Variants in CMIP observed in about 807,000 individuals in gnomAD.
CMIP encodes the protein c-Maf inducing protein, also known as C-Maf-inducing protein.
CMIP carries 13 observed loss-of-function variants against 97.3 expected under a neutral mutation model. The observed-to-expected ratio is 0.13, with a 90% CI of 0.09 to 0.21. CMIP has a LOEUF of 0.21. CMIP is among the 10% of genes least tolerant of loss of function. The pLI is 1.00. For synonymous variants in CMIP, 538 were observed against 436.3 expected (o/e 1.23, Z -2.91); for missense variants, 847 against 1,024.9 (o/e 0.83, Z 2.37).
chr16:81,576,607 G>A (rs2091193642), intron 1 of CMIP, among the ~76,000 whole-genome samples: 1 of 152,128 alleles, frequency 6.6e-6, no homozygotes, highest in Non-Finnish European at 1.5e-5. Flanking sequence ...GCCAATGAGA[G>A]GCAGAGCCAG....
At chr16:81,681,603 G>A (rs1376545141) in intron 10 of CMIP, among the ~76,000 whole-genome samples, 2 of 152,240 alleles carry the variant, frequency 1.3e-5, no homozygotes, top group East Asian at 3.9e-4. Context: ...CGTTTATGAT[G>A]CAGCCATGTT....
chr16:81,521,254 C>T (rs1198130338), intron 1 of CMIP, among the ~76,000 whole-genome samples: 1 of 152,168 alleles, frequency 6.6e-6, no homozygotes, highest in Non-Finnish European at 1.5e-5. Context: ...TGCATCATTG[C>T]TTGCTGAGCG....
chr16:81,653,453 G>A (rs1240954505), intron 4 of CMIP, among the ~76,000 whole-genome samples: 1 of 152,280 alleles, frequency 6.6e-6, no homozygotes, highest in Non-Finnish European at 1.5e-5. Flanking sequence ...GTCTCAGGCA[G>A]AGGGACAGAG....
intron 1 of CMIP, among the ~76,000 whole-genome samples, chr16:81,563,571 A>C (rs61293946): frequency 0.028 from 4,287 of 152,264 alleles, 214 homozygotes; most frequent in African/African-American, 0.098. Context: ...CAGGCGATAC[A>C]TGTGCACATT....
At chr16:81,469,661 C>A (rs896379045) in intron 1 of CMIP, among the ~76,000 whole-genome samples, 1 of 152,206 alleles carries the variant, frequency 6.6e-6, no homozygotes, top group Non-Finnish European at 1.5e-5. Context: ...TTTGCCTGAA[C>A]TGTGGATTCA....
chr16:81,637,653 A>G (rs771392309), intron 3 of CMIP, among the ~76,000 whole-genome samples: 1 of 152,124 alleles, frequency 6.6e-6, no homozygotes, highest in Admixed American at 6.6e-5. Context: ...TGCGAGCAAA[A>G]ACATGGCTTG....
chr16:81,645,547 T>A, intron 3 of CMIP: 1 of 1,535,912 alleles, frequency 6.5e-7, no homozygotes, highest in Non-Finnish European at 8.7e-7. Flanking sequence ...AACCCTGGCA[T>A]ATGTGCTTGC....
In CMIP at chr16:81,686,440, A is replaced by G. The variant is rs1905397782; in HGVS notation, c.1389-5335A>G. On this transcript the variant is annotated intron_variant, in intron 10 of 20. Transcript: ENST00000537098. ...ACTGCAGTCCAGAGGACCTGCTGTC[A>G]GTCCTCATCTGCCTCCCAGGCGTGG... Among the ~76,000 whole-genome samples, 3 of 152,210 alleles carry G rather than the reference A, an allele frequency of 2.0e-5. No homozygotes were observed. The South Asian group carries it at 6.2e-4, about 31-fold the overall frequency.
Position 81,695,477 on chromosome 16 carries a change from TG to T in CMIP, c.1531-1080del, listed in dbSNP as rs1356543279. 2.6e-5 allele frequency: 4 copies of T among 152,224 alleles called. No individual in the cohort carries two copies. In the East Asian group the frequency reaches 7.7e-4, roughly 29 times the overall value. 9.4% of individuals were successfully genotyped at this position (152,224 alleles called of 1,614,324 possible). A position where few individuals can be genotyped will look rare whatever the true frequency, so the allele number is the denominator to read the frequency against. Reference sequence around the variant, plus strand: ...TGGGTTGTGATCAGTTTAATATCTGTGGGTAACAGATTCTTGGCAGCCAATC... The same window carrying T: ...TGGGTTGTGATCAGTTTAATATCTGTGGTAACAGATTCTTGGCAGCCAATC... On this transcript the variant is annotated intron_variant, in intron 13 of 20. Coordinates refer to ENST00000537098, the MANE Select transcript of CMIP (RefSeq NM_198390.3).
chr16:81,693,553 T>G lies in CMIP; in HGVS notation c.1530+66T>G. 6 of 1,531,034 alleles carry G rather than the reference T, an allele frequency of 3.9e-6. No individual in the cohort carries two copies. The African/African-American group carries it at 6.8e-5, about 17-fold the overall frequency. 94.8% of individuals were successfully genotyped at this position (1,531,034 alleles called of 1,614,324 possible). A position where few individuals can be genotyped will look rare whatever the true frequency, so the allele number is the denominator to read the frequency against. On this transcript the variant is annotated intron_variant, in intron 13 of 20. Transcript: ENST00000537098. ...GATGGCAGGATGCACGAGGGCCCCT[T>G]AGAGGCCTTCTGAAGCTTGTCACCA...
chr16:81,667,180 ATATGT>A (rs757242498), intron 7 of CMIP: 6 of 152,208 alleles, frequency 3.9e-5, no homozygotes, highest in Non-Finnish European at 8.8e-5. Flanking sequence ...TCTCTTGCAA[ATATGT>A]TATGTGCTCC....
At chr16:81,459,911 C>T (rs193059806) in intron 1 of CMIP, among the ~76,000 whole-genome samples, 32 of 152,346 alleles carry the variant, frequency 2.1e-4, no homozygotes, top group Middle Eastern at 3.4e-3. Flanking sequence ...CTTCTTCCTC[C>T]GAGCCCTGCT....
chr16:81,459,716 G>T (rs1906788588), intron 1 of CMIP, among the ~76,000 whole-genome samples: 1 of 152,176 alleles, frequency 6.6e-6, no homozygotes, highest in Non-Finnish European at 1.5e-5. Flanking sequence ...CAATTCCAGG[G>T]GTGTGCTCTC....
intron 4 of CMIP, among the ~76,000 whole-genome samples, chr16:81,654,756 C>G (rs993947925): frequency 6.6e-6 from 1 of 152,214 alleles, no homozygotes; most frequent in East Asian, 1.9e-4. Flanking sequence ...CAGGGCCAGT[C>G]AGATTAAGTG....
At chr16:81,610,908 A>C (rs1244184564) in intron 2 of CMIP, among the ~76,000 whole-genome samples, 3 of 152,016 alleles carry the variant, frequency 2.0e-5, no homozygotes, top group Non-Finnish European at 4.4e-5. Context: ...CCGTGGTGTC[A>C]CAGAGAACAA....
intron 1 of CMIP, among the ~76,000 whole-genome samples, chr16:81,563,753 T>C (rs2090929588): frequency 6.6e-6 from 1 of 152,206 alleles, no homozygotes; most frequent in African/African-American, 2.4e-5. Context: ...TGGGGCTTCA[T>C]GGTGCAGAGG....
intron 1 of CMIP, among the ~76,000 whole-genome samples, chr16:81,527,599 A>G (rs2090157105): frequency 6.6e-6 from 1 of 152,012 alleles, no homozygotes; most frequent in Non-Finnish European, 1.5e-5. Flanking sequence ...CCCAGAGACC[A>G]CCCTTCATCC....
intron 1 of CMIP, among the ~76,000 whole-genome samples, chr16:81,462,408 A>G (rs1420474682): frequency 6.6e-6 from 1 of 152,100 alleles, no homozygotes. Flanking sequence ...GGATTCATGG[A>G]CACCTCCCTC....
Position 81,678,608 on chromosome 16 carries a change from C to A in CMIP, c.1368C>A (p.Tyr456Ter). 6.3e-7 allele frequency: 1 copy of A among 1,582,072 alleles called. No homozygotes were observed. The highest frequency in any genetic ancestry group is 8.6e-7 in the Non-Finnish European group (1 of 1,158,266). Residue 456 changes from tyrosine (Y) to a stop codon, truncating the protein, a stop_gained, in exon 10 of 21, where the codon TAC (tyrosine) becomes TAA (stop). Transcript: ENST00000537098. LOFTEE classifies it high-confidence loss of function. Reference sequence around the variant, plus strand: ...AGGCCGACCGCACGCTCGGCTGCTACGTGGAAATCCTCAAGCTGCTGTGAG... The same window carrying A: ...AGGCCGACCGCACGCTCGGCTGCTAAGTGGAAATCCTCAAGCTGCTGTGAG... ...GPQADRTLGC[Y>*]VEILKLLSDY... is the part of the protein sequence containing the mutation.
Sources: allele counts gnomAD v4.1 joint callset (sites outside exome capture counted in the v4.1 genomes callset), GRCh38; gene constraint gnomAD v4.1.1; transcripts MANE v1.5; gene names NCBI Gene and HGNC (gene_info 2026-07-23, HGNC 2026-07-21).